MAU2: variants seen among roughly 807,000 people sequenced by gnomAD.
MAU2 encodes the protein MAU2 sister chromatid cohesion factor, also known as MAU2 chromatid cohesion factor homolog.
MAU2 carries 9 observed loss-of-function variants against 89.1 expected under a neutral mutation model. The observed-to-expected ratio is 0.10, with a 90% CI of 0.06 to 0.18. MAU2 has a LOEUF of 0.18. MAU2 is among the 10% of genes least tolerant of loss of function. The pLI, the probability that MAU2 is intolerant of heterozygous loss-of-function variation, is 1.00. For synonymous variants in MAU2, 357 were observed against 343.4 expected (o/e 1.04, Z -0.44); for missense variants, 425 against 803.5 (o/e 0.53, Z 5.69).
At chr19:19,350,141 C>T (rs1447214817) in intron 16 of MAU2, among the ~76,000 whole-genome samples, 1 of 148,266 alleles carries the variant, frequency 6.7e-6, no homozygotes, top group Non-Finnish European at 1.5e-5. Context: ...ACTAAAAATA[C>T]AAAAATTAGT....
intron 1 of MAU2, among the ~76,000 whole-genome samples, chr19:19,335,339 C>T (rs1413186560): frequency 6.6e-6 from 1 of 152,324 alleles, no homozygotes; most frequent in East Asian, 1.9e-4. Context: ...TCTGCCTGAC[C>T]TCTGACTGCC....
intron 13 of MAU2, chr19:19,348,619 C>T: frequency 1.7e-6 from 1 of 591,154 alleles, no homozygotes; most frequent in Non-Finnish European, 3.0e-6. Flanking sequence ...CCCTCAGCAC[C>T]ACTCTGACCA....
At chr19:19,334,276 G>A in intron 1 of MAU2, 2 of 985,508 alleles carry the variant, frequency 2.0e-6, no homozygotes, top group Non-Finnish European at 1.2e-6. Context: ...TGCCACAAGA[G>A]GGGACCACAG....
chr19:19,326,482 C>G (rs923152360), intron 1 of MAU2, among the ~76,000 whole-genome samples: 2 of 151,282 alleles, frequency 1.3e-5, no homozygotes, highest in Middle Eastern at 3.2e-3. Context: ...GTCAGGAGAT[C>G]GAGACCATCC....
intron 3 of MAU2, among the ~76,000 whole-genome samples, chr19:19,336,390 C>G (rs1033692892): frequency 6.6e-6 from 1 of 152,040 alleles, no homozygotes; most frequent in African/African-American, 2.4e-5. Flanking sequence ...GCCTTAAACT[C>G]CTGAGCTCAA....
Position 19,345,356 on chromosome 19 carries a change from C to A in MAU2, c.1208C>A (p.Thr403Asn). The A allele has an allele frequency of 1.9e-6, 3 of 1,613,848 alleles. No homozygotes were observed. Among genetic ancestry groups the A allele is most frequent in the Non-Finnish European group, 2.5e-6 (3 of 1,179,992 alleles). The change falls in exon 12 of 19, where the codon ACC (threonine) becomes AAC (asparagine). Residue 403 changes from threonine to asparagine, a missense_variant. Coordinates refer to ENST00000262815, the MANE Select transcript of MAU2 (RefSeq NM_015329.4). The surrounding 1 kb of genome is among the most constrained non-coding windows in gnomAD (Gnocchi z 4.9). ...NCMDNAEAQFTTALRLTNHQE... is the reference protein window; with the variant it reads ...NCMDNAEAQFNTALRLTNHQE... ...ATGGACAACGCGGAAGCCCAGTTCA[C>A]CACGGCCCTGCGGGTAAGGTGCCGG...
chr19:19,330,736 A>G (rs953780965), intron 1 of MAU2, among the ~76,000 whole-genome samples: 12 of 151,940 alleles, frequency 7.9e-5, no homozygotes, highest in African/African-American at 4.8e-5. Flanking sequence ...GCGAAAATTC[A>G]TCTCAAAAAA....
intron 1 of MAU2, among the ~76,000 whole-genome samples, chr19:19,322,234 A>G (rs1172092642): frequency 1.3e-5 from 2 of 151,992 alleles, no homozygotes; most frequent in Non-Finnish European, 2.9e-5. Flanking sequence ...TCCTGACCTC[A>G]TGATCTGCCC....
chr19:19,326,457 T>A (rs1393425627), intron 1 of MAU2, among the ~76,000 whole-genome samples: 2 of 150,900 alleles, frequency 1.3e-5, no homozygotes, highest in African/African-American at 4.9e-5. Flanking sequence ...GAGGCCAAGG[T>A]GGGCGGATCA....
At chr19:19,335,970 G>C (rs1408436307) in intron 2 of MAU2, 152 bp from the exon 3 acceptor site, 6 of 709,580 alleles carry the variant, frequency 8.5e-6, no homozygotes, top group Non-Finnish European at 1.5e-5. Flanking sequence ...GCAAGCTCAA[G>C]GTTCACTGGG....
At chr19:19,329,958 T>C (rs1019400050) in intron 1 of MAU2, among the ~76,000 whole-genome samples, 9 of 144,384 alleles carry the variant, frequency 6.2e-5, no homozygotes, top group African/African-American at 2.5e-4. Flanking sequence ...TCTTTTTAAT[T>C]ATTTATTTAT....
chr19:19,336,964 G>A (rs1180853233), intron 3 of MAU2, among the ~76,000 whole-genome samples: 1 of 152,182 alleles, frequency 6.6e-6, no homozygotes, highest in Non-Finnish European at 1.5e-5. Context: ...TATTTTAAGA[G>A]TGATGCAGAA....
At position 19,349,454 on chromosome 19, in the gene MAU2, G is replaced by C; in HGVS notation, c.1548+18G>C. On this transcript the variant is annotated intron_variant, in intron 16 of 18. Transcript: ENST00000262815. ...ACCACAGGGTGAGTGCCCTGGCCTG[G>C]GCCCCTCGCTTGGGTGCCTGTGGGG... 1 of 1,608,862 alleles carries C rather than the reference G, an allele frequency of 6.2e-7. No homozygotes were observed. The highest frequency in any genetic ancestry group is 8.5e-7 in the Non-Finnish European group (1 of 1,176,282).
rs147425412 is a variant in MAU2 at position 19,327,301 on chromosome 19, GTATTTATTTATTTATT to G, written c.276+6192_276+6207del. Among the ~76,000 whole-genome samples, 632 of 142,376 alleles carry G rather than the reference GTATTTATTTATTTATT, an allele frequency of 4.4e-3. 7 individuals are homozygous for G. The highest frequency in any genetic ancestry group is 0.03 in the South Asian group (127 of 4,184). The allele number at this position is 142,376 out of a possible 152,430, so 93.4% of individuals were successfully genotyped here. ...CATGCCAGGCTAATTTTTTCTACTT[GTATTTATTTATTTATT>G]TATTTATTTATTTATTTATTTATTT... On this transcript the variant is annotated intron_variant, in intron 1 of 18. Transcript: ENST00000262815.
At chr19:19,328,860 A>G (rs1050154679) in intron 1 of MAU2, among the ~76,000 whole-genome samples, 3 of 152,054 alleles carry the variant, frequency 2.0e-5, no homozygotes, top group Non-Finnish European at 2.9e-5. Context: ...ACTATTTTCT[A>G]TAATCCAGGC....
At position 19,343,580 on chromosome 19, in the gene MAU2, G is replaced by A. The variant is rs74441484; in HGVS notation, c.974-257G>A. Among the ~76,000 whole-genome samples the A allele has an allele frequency of 1.5e-3, 224 of 152,136 alleles. 6 individuals are homozygous for A. In the East Asian group the frequency reaches 0.039, roughly 26 times the overall value. On this transcript the variant is annotated intron_variant, in intron 9 of 18. Coordinates refer to ENST00000262815, the MANE Select transcript of MAU2 (RefSeq NM_015329.4). ...GCCATGTCCACAAGCTCTTGAGCACGTAGGGTGAGGGTGAGGGTGAGAGCC... is the reference window on the plus strand; with the variant it reads ...GCCATGTCCACAAGCTCTTGAGCACATAGGGTGAGGGTGAGGGTGAGAGCC...
At chr19:19,341,163 A>AGGGCAGGT in intron 6 of MAU2, 89 bp from the exon 7 acceptor site, 3 of 1,468,502 alleles carry the variant, frequency 2.0e-6, no homozygotes, top group Admixed American at 1.9e-5. Flanking sequence ...CAGCAGTCCC[A>AGGGCAGGT]GGGCAGGTGG....
At chr19:19,335,767 A>G in intron 2 of MAU2, 32 bp downstream of exon 2, 1 of 1,609,984 alleles carries the variant, frequency 6.2e-7, no homozygotes, top group Non-Finnish European at 8.5e-7. Context: ...GGTTCCCTTT[A>G]AGGAATTCTC....
rs551580887 is a variant in MAU2, at chr19:19,350,322, G to A, written c.1548+886G>A. Among the ~76,000 whole-genome samples, 24 of 151,000 alleles carry A rather than the reference G, an allele frequency of 1.6e-4. No homozygotes were observed. In the South Asian group the frequency reaches 4.8e-3, roughly 30 times the overall value. On this transcript the variant is annotated intron_variant, in intron 16 of 18. Coordinates refer to ENST00000262815, the MANE Select transcript of MAU2 (RefSeq NM_015329.4). ...GAAAAAAAAAAAAAAGATGTTTTTGGGACAGGCACGGTGGCTCATGCCTGT... is the reference window on the plus strand; with the variant it reads ...GAAAAAAAAAAAAAAGATGTTTTTGAGACAGGCACGGTGGCTCATGCCTGT...
Sources: allele counts gnomAD v4.1 joint callset (sites outside exome capture counted in the v4.1 genomes callset), GRCh38; gene constraint gnomAD v4.1.1; non-coding constraint Gnocchi (gnomAD v3.1); transcripts MANE v1.5; gene names NCBI Gene and HGNC (gene_info 2026-07-23, HGNC 2026-07-21).